Variants in NKAIN1 observed in about 807,000 individuals in gnomAD.
NKAIN1 encodes the protein sodium/potassium transporting ATPase interacting 1.
A neutral mutation model predicts 31.6 loss-of-function variants in NKAIN1; 13 were observed. The observed-to-expected ratio is 0.41, with a 90% confidence interval of 0.27 to 0.65. The LOEUF (loss-of-function observed/expected upper bound fraction) is 0.65, where lower values mean the gene tolerates loss of function less well. Among genes scored for constraint, NKAIN1 ranks in the 30% least tolerant of loss-of-function variants. NKAIN1 has a pLI of 0.30. For synonymous variants in NKAIN1, 104 were observed against 109.0 expected, an observed-to-expected ratio of 0.95 and a Z score of 0.28; for missense variants, 193 against 262.2, an observed-to-expected ratio of 0.74 and a Z score of 1.82.
intron 1 of NKAIN1, among the ~76,000 whole-genome samples, chr1:31,236,345 G>A (rs893230410): frequency 6.6e-6 from 1 of 152,184 alleles, no homozygotes; most frequent in Non-Finnish European, 1.5e-5. Context: ...AGAATGTTTC[G>A]AATTGGCCTG....
At position 31,180,237 on chromosome 1, in the gene NKAIN1, G is replaced by C. The variant is rs1645186844; in HGVS notation, c.*1466C>G. The C allele has an allele frequency of 6.6e-6, 1 of 152,602 alleles. No homozygotes were observed. The highest frequency in any genetic ancestry group is 2.1e-4 in the South Asian group (1 of 4,828). 9.5% of individuals were successfully genotyped at this position (152,602 alleles called of 1,614,324 possible). A position where few individuals can be genotyped will look rare whatever the true frequency, so the allele number is the denominator to read the frequency against. ...ATCTGCACCATCTGGGTGCCCCCCA[G>C]TTCCTCCATGTCTCCTGCCCTCCTT... On this transcript the variant is annotated 3_prime_UTR_variant, in exon 7 of 7. Coordinates refer to ENST00000373736, the MANE Select transcript of NKAIN1 (RefSeq NM_024522.3).
At chr1:31,187,302 G>A (rs1355799712) in intron 2 of NKAIN1, among the ~76,000 whole-genome samples, 1 of 152,180 alleles carries the variant, frequency 6.6e-6, no homozygotes, top group Non-Finnish European at 1.5e-5. Flanking sequence ...CTGAGGAACA[G>A]CAGGGAATAT....
Position 31,233,664 on chromosome 1 carries a change from C to G in NKAIN1, c.54+5830G>C, listed in dbSNP as rs1362419572. On this transcript the variant is annotated intron_variant, in intron 1 of 6. Transcript: ENST00000373736. This position sits in a 1 kb window ranked among gnomAD's most constrained non-coding sequence, Gnocchi z 4.0. The stretch of plus-strand genomic sequence containing the variant: ...GAGCTGGAGTGTTTGTGGGAATGAC[C>G]CTGATCACGAAATCCTCTAATACAG... Among the ~76,000 whole-genome samples the G allele has an allele frequency of 6.6e-6, 1 of 152,124 alleles. No homozygotes were observed. Among genetic ancestry groups the G allele is most frequent in the Non-Finnish European group, 1.5e-5 (1 of 68,024 alleles).
chr1:31,223,829 C>A (rs1429020419), intron 1 of NKAIN1, among the ~76,000 whole-genome samples: 1 of 152,224 alleles, frequency 6.6e-6, no homozygotes. Flanking sequence ...AGGTAATCTG[C>A]ATTTCCTATT....
At chr1:31,203,357 A>G (rs1645398603) in intron 1 of NKAIN1, among the ~76,000 whole-genome samples, 1 of 91,922 alleles carries the variant, frequency 1.1e-5, no homozygotes, top group Non-Finnish European at 3.1e-5. Context: ...CAGTGCCTCC[A>G]CACGATTCAA....
chr1:31,195,867 G>A lies in NKAIN1; in HGVS notation c.55-7680C>T, dbSNP rs1284670776. ...TTGAGCCCAGCAGGCTGAGGCTACA[G>A]TGAGCTGTGATAGCCTACCTGTCTC... On this transcript the variant is annotated intron_variant, in intron 1 of 6. Coordinates refer to ENST00000373736, the MANE Select transcript of NKAIN1 (RefSeq NM_024522.3). Among the ~76,000 whole-genome samples, 7 of 140,334 alleles carry A rather than the reference G, an allele frequency of 5.0e-5. No homozygotes were observed. In the East Asian group the frequency reaches 1.5e-3, roughly 30 times the overall value. 92.1% of individuals were successfully genotyped at this position (140,334 alleles called of 152,430 possible).
rs754860679 is a variant in NKAIN1, at chr1:31,197,545, C to CTTTTT, written c.55-9363_55-9359dup. 5.5e-3 allele frequency among the ~76,000 whole-genome samples: 608 copies of CTTTTT among 111,380 alleles called. 15 individuals carry two copies. The highest frequency in any genetic ancestry group is 0.019 in the African/African-American group (571 of 29,352). 73.1% of individuals were successfully genotyped at this position (111,380 alleles called of 152,430 possible). On this transcript the variant is annotated intron_variant, in intron 1 of 6. Transcript: ENST00000373736. ...ACAGGCATGAGCCACCGTGCCCGGC[C>CTTTTT]TTTTTTTTTTTTTTTCCCTGAGATG...
At chr1:31,197,022 A>G (rs959128536) in intron 1 of NKAIN1, among the ~76,000 whole-genome samples, 12 of 150,774 alleles carry the variant, frequency 8.0e-5, no homozygotes, top group African/African-American at 2.9e-4. Flanking sequence ...AGTCAGTATT[A>G]TTTAAAATTA....
At chr1:31,223,841 T>C (rs913520268) in intron 1 of NKAIN1, among the ~76,000 whole-genome samples, 1 of 152,238 alleles carries the variant, frequency 6.6e-6, no homozygotes, top group Non-Finnish European at 1.5e-5. Context: ...TTTCCTATTG[T>C]CCTTGTAGTC....
intron 1 of NKAIN1, among the ~76,000 whole-genome samples, chr1:31,234,836 G>A (rs1478380539): frequency 6.6e-6 from 1 of 152,214 alleles, no homozygotes; most frequent in Non-Finnish European, 1.5e-5. Context: ...ACGGGGCTGA[G>A]AGGGTGGCTC....
rs4949356 is a variant in NKAIN1, at chr1:31,181,141, A to G, written c.*562T>C. 0.53 allele frequency: 80,665 copies of G among 152,488 alleles called. 25,063 individuals carry two copies. The highest frequency in any genetic ancestry group is 0.77 in the Middle Eastern group (227 of 294). 9.4% of individuals were successfully genotyped at this position (152,488 alleles called of 1,614,324 possible). On this transcript the variant is annotated 3_prime_UTR_variant, in exon 7 of 7. Transcript: ENST00000373736. ...GGGAATTGAGTTAAATGAGAAGTCT[A>G]AAAGAGTCCATTTGCTAAGGGATTA...
Position 31,183,823 on chromosome 1 carries a change from G to A in NKAIN1, c.465C>T (p.Phe155=). 6.2e-6 allele frequency: 10 copies of A among 1,612,222 alleles called. No individual in the cohort carries two copies. The highest frequency in any genetic ancestry group is 1.7e-4 in the Middle Eastern group (1 of 6,058). Residue 155 remains phenylalanine (F), a synonymous_variant, in exon 4 of 7, where the codon TTC becomes TTT. Transcript: ENST00000373736. The part of the protein sequence containing the change: ...IEALSSALQI[F]LALFGFVFAC... The stretch of plus-strand genomic sequence containing the variant: ...GGGGGACAGAAGGACTTACTGCCAG[G>A]AAGATCTGCAGGGCGCTGCTGAGGG...
chr1:31,235,625 C>G (rs989070797), intron 1 of NKAIN1, among the ~76,000 whole-genome samples: 1 of 152,060 alleles, frequency 6.6e-6, no homozygotes, highest in African/African-American at 2.4e-5. Context: ...CACAGTGAGA[C>G]GCCTATCTCT....
At position 31,239,068 on chromosome 1, in the gene NKAIN1, G is replaced by A. The variant is rs1200862287; in HGVS notation, c.54+426C>T. On this transcript the variant is annotated intron_variant, in intron 1 of 6. Coordinates refer to ENST00000373736, the MANE Select transcript of NKAIN1 (RefSeq NM_024522.3). This position sits in a 1 kb window ranked among gnomAD's most constrained non-coding sequence, Gnocchi z 4.8. ...CGCTCACACAGGGGTGGTGATCAGA[G>A]GCAGAGACCCAGAGGAAGGGAGAGA... 6.6e-6 allele frequency among the ~76,000 whole-genome samples: 1 copy of A among 152,068 alleles called. No individual in the cohort carries two copies. The highest frequency in any genetic ancestry group is 1.5e-5 in the Non-Finnish European group (1 of 68,004).
At chr1:31,186,828 G>C (rs1282476579) in intron 2 of NKAIN1, among the ~76,000 whole-genome samples, 1 of 152,210 alleles carries the variant, frequency 6.6e-6, no homozygotes, top group Non-Finnish European at 1.5e-5. Context: ...AGCAATGCTG[G>C]AGCAGCAATG....
intron 1 of NKAIN1, among the ~76,000 whole-genome samples, chr1:31,219,829 C>T (rs1427572264): frequency 6.6e-6 from 1 of 152,148 alleles, no homozygotes; most frequent in Admixed American, 6.6e-5. Flanking sequence ...AGCAAATTCC[C>T]CTGTTGGTTC....
Position 31,189,016 on chromosome 1 carries a change from A to AAAAAG in NKAIN1, c.55-834_55-830dup, listed in dbSNP as rs1482294260. Among the ~76,000 whole-genome samples the AAAAAG allele has an allele frequency of 2.6e-5, 4 of 151,100 alleles. No homozygotes were observed. The East Asian group carries it at 8.1e-4, about 31-fold the overall frequency. ...CGACAGAGTGAGACCCCGTCTCAAA[A>AAAAAG]AAAAGAAAAGAAAAAAAAAAAACGG... On this transcript the variant is annotated intron_variant, in intron 1 of 6. Transcript: ENST00000373736.
intron 1 of NKAIN1, among the ~76,000 whole-genome samples, chr1:31,191,347 C>G (rs1430182926): frequency 6.7e-6 from 1 of 150,014 alleles, no homozygotes; most frequent in Admixed American, 6.7e-5. Flanking sequence ...AAAGTGGTAC[C>G]CACTCAAACC....
chr1:31,197,615 C>T (rs1446040465), intron 1 of NKAIN1, among the ~76,000 whole-genome samples: 1 of 142,574 alleles, frequency 7.0e-6, no homozygotes, highest in Non-Finnish European at 1.5e-5. Context: ...GGCGCGATCT[C>T]GGCTTGCTGC....
Sources: allele counts gnomAD v4.1 joint callset (sites outside exome capture counted in the v4.1 genomes callset), GRCh38; gene constraint gnomAD v4.1.1; non-coding constraint Gnocchi (gnomAD v3.1); transcripts MANE v1.5; gene names NCBI Gene and HGNC (gene_info 2026-07-23, HGNC 2026-07-21).